Variants in PACS2 observed in about 807,000 individuals in gnomAD.
PACS2 encodes the protein phosphofurin acidic cluster sorting protein 2.
In PACS2, 36 loss-of-function variants were observed where a neutral mutation model predicts 113.0. The ratio of observed to expected loss-of-function variants is 0.32; its 90% CI spans 0.24 to 0.42. PACS2 has a LOEUF of 0.42. PACS2 is among the 10% of genes least tolerant of loss of function. The pLI is 1.00. For missense variants in PACS2, 1,015 were observed against 1,239.5 expected (o/e 0.82, Z 2.72); for synonymous variants, 589 against 536.1 (o/e 1.10, Z -1.36).
chr14:105,326,576 G>C (rs138257099), intron 1 of PACS2, among the ~76,000 whole-genome samples: 24 of 152,218 alleles, frequency 1.6e-4, no homozygotes, highest in African/African-American at 5.3e-4. Flanking sequence ...GGTGGGGCCC[G>C]GGAGGGTGGC....
chr14:105,304,380 C>G (rs183197339), intron 1 of PACS2, among the ~76,000 whole-genome samples: 1 of 151,792 alleles, frequency 6.6e-6, no homozygotes, highest in Non-Finnish European at 1.5e-5. Context: ...TCCAGCTACT[C>G]GGGAGGCTGA....
chr14:105,344,705 C>G (rs1194745372), intron 1 of PACS2, among the ~76,000 whole-genome samples: 4 of 152,160 alleles, frequency 2.6e-5, no homozygotes, highest in African/African-American at 9.7e-5. Context: ...AAAGAACTAG[C>G]ATTTGGTTTT....
Position 105,358,519 on chromosome 14 carries a change from A to C in PACS2, c.423+3342A>C, listed in dbSNP as rs1385290315. Among the ~76,000 whole-genome samples the C allele has an allele frequency of 6.6e-6, 1 of 152,088 alleles. No individual in the cohort carries two copies. The highest frequency in any genetic ancestry group is 1.5e-5 in the Non-Finnish European group (1 of 67,978). On this transcript the variant is annotated intron_variant, in intron 4 of 24. Coordinates refer to ENST00000447393, the MANE Select transcript of PACS2 (RefSeq NM_001100913.3). This position sits in a 1 kb window ranked among gnomAD's most constrained non-coding sequence, Gnocchi z 4.9. ...TGTAGGGGTGGGCGTTCGTGTGGCC[A>C]GACCACCCTGGGGCTGCAGCCTGGG...
rs1404087638 is a variant in PACS2, at chr14:105,346,496, C to T, written c.120-1997C>T. On this transcript the variant is annotated intron_variant, in intron 1 of 24. Transcript: ENST00000447393. ...CCCGCCCACACAACATCCCCCCCACCGCCTGCACGGCTCCCCCACCCACAC... is the reference window on the plus strand; with the variant it reads ...CCCGCCCACACAACATCCCCCCCACTGCCTGCACGGCTCCCCCACCCACAC... 1.2e-4 allele frequency among the ~76,000 whole-genome samples: 17 copies of T among 136,812 alleles called. No homozygotes were observed. In the South Asian group the frequency reaches 1.3e-3, roughly 10 times the overall value. 89.8% of individuals were successfully genotyped at this position (136,812 alleles called of 152,430 possible). A position where few individuals can be genotyped will look rare whatever the true frequency, so the allele number is the denominator to read the frequency against.
chr14:105,300,980 G>A lies in PACS2; in HGVS notation c.-83+1G>A, dbSNP rs2140599308. The A allele has an allele frequency of 6.5e-6, 1 of 153,684 alleles. No homozygotes were observed. Among genetic ancestry groups the A allele is most frequent in the Admixed American group, 6.5e-5 (1 of 15,334 alleles). 9.5% of individuals were successfully genotyped at this position (153,684 alleles called of 1,614,324 possible). ...GGCGGAACCCGAGCGGGGCCTACCG[G>A]TGAGCGCAGCCGAGGACTGGCGCTT... On this transcript the variant is annotated splice_donor_variant, in intron 1 of 23. Coordinates refer to the PACS2 transcript ENST00000430725. LOFTEE classifies it low-confidence loss of function (5UTR_SPLICE).
At chr14:105,390,940 T>C in intron 20 of PACS2, 1 of 539,676 alleles carries the variant, frequency 1.9e-6, no homozygotes, top group Non-Finnish European at 3.3e-6. Flanking sequence ...ACACATAGTT[T>C]GCAGCTGCCC....
intron 1 of PACS2, among the ~76,000 whole-genome samples, chr14:105,318,575 A>G (rs2058756398): frequency 1.3e-5 from 2 of 150,934 alleles, no homozygotes; most frequent in Non-Finnish European, 1.5e-5. Context: ...TCAGCCTCCC[A>G]AGTAGCTAGG....
At chr14:105,337,418 A>G (rs1355803027) in intron 1 of PACS2, among the ~76,000 whole-genome samples, 1 of 152,262 alleles carries the variant, frequency 6.6e-6, no homozygotes, top group African/African-American at 2.4e-5. Context: ...ACACTGAAAA[A>G]TGGTTCAAAC....
upstream of PACS2, among the ~76,000 whole-genome samples, chr14:105,313,253 G>A (rs2140720697): frequency 6.6e-6 from 1 of 152,338 alleles, no homozygotes; most frequent in South Asian, 2.1e-4. Flanking sequence ...CAGTTCTGGG[G>A]TCAATGGGTG....
rs1480164628 is a variant in PACS2, at chr14:105,379,725, G to C, written c.960-14G>C. On this transcript the variant is annotated splice_polypyrimidine_tract_variant and intron_variant, in intron 9 of 24. Coordinates refer to ENST00000447393, the MANE Select transcript of PACS2 (RefSeq NM_001100913.3). ...GGAAATTAACGTGTCCCCCACCCCT[G>C]TTCCCTGAGCCAGGCCATACTTTGA... 4 of 1,610,846 alleles carry C rather than the reference G, an allele frequency of 2.5e-6. No individual in the cohort carries two copies. Among genetic ancestry groups the C allele is most frequent in the African/African-American group, 1.3e-5 (1 of 75,010 alleles).
Position 105,354,059 on chromosome 14 carries a change from G to A in PACS2, c.298-993G>A, listed in dbSNP as rs1781818866. Among the ~76,000 whole-genome samples the A allele has an allele frequency of 2.0e-5, 3 of 152,026 alleles. No homozygotes were observed. Among genetic ancestry groups the A allele is most frequent in the Admixed American group, 2.0e-4 (3 of 15,262 alleles). ...GCTGAGATCATGCCATAGCACTCCA[G>A]CCTGGGGGACAGAGTGAGACTCCAT... On this transcript the variant is annotated intron_variant, in intron 3 of 24. Coordinates refer to ENST00000447393, the MANE Select transcript of PACS2 (RefSeq NM_001100913.3). This position sits in a 1 kb window ranked among gnomAD's most constrained non-coding sequence, Gnocchi z 4.2.
chr14:105,394,133 G>A (rs894140964), intron 24 of PACS2: 10 of 909,420 alleles, frequency 1.1e-5, no homozygotes, highest in Middle Eastern at 5.6e-4. Context: ...TTTTGAGCAC[G>A]GGTCAGATGA....
chr14:105,374,210 T>C (rs1347209849), intron 8 of PACS2, among the ~76,000 whole-genome samples: 1 of 150,228 alleles, frequency 6.7e-6, no homozygotes. Flanking sequence ...TGAGCTAAGA[T>C]TATAAAGCTC....
At position 105,389,967 on chromosome 14, in the gene PACS2, C is replaced by A; in HGVS notation, c.2040C>A (p.Asp680Glu). ...TCTGTTTCCTTGCTCTTAGCCCTGA[C>A]GAAGAGTCCTCCCAAAAGTTCATTC... ...HFHFDFTLSP[D>E]EESSQKFIPF... The change falls in exon 20 of 25, where the codon GAC becomes GAA. Residue 680 changes from aspartate (D) to glutamate (E), a missense_variant. Transcript: ENST00000447393. 1 of 1,613,820 alleles carries A rather than the reference C, an allele frequency of 6.2e-7. No homozygotes were observed. Among genetic ancestry groups the A allele is most frequent in the Non-Finnish European group, 8.5e-7 (1 of 1,179,766 alleles).
At position 105,323,523 on chromosome 14, in the gene PACS2, C is replaced by A. The variant is rs748865866; in HGVS notation, c.119+8486C>A. Among the ~76,000 whole-genome samples the A allele has an allele frequency of 6.6e-6, 1 of 152,210 alleles. No individual in the cohort carries two copies. Among genetic ancestry groups the A allele is most frequent in the African/African-American group, 2.4e-5 (1 of 41,462 alleles). ...CTGCACAGTGTAGCTCCTTGGCGGA[C>A]GTTCCTGTAATGGAACCAGGATGTC... On this transcript the variant is annotated intron_variant, in intron 1 of 24. Transcript: ENST00000447393. The surrounding 1 kb of genome is among the most constrained non-coding windows in gnomAD (Gnocchi z 4.1).
intron 7 of PACS2, among the ~76,000 whole-genome samples, chr14:105,369,460 G>A (rs980003674): frequency 8.5e-5 from 13 of 152,188 alleles, no homozygotes; most frequent in Non-Finnish European, 1.5e-4. Flanking sequence ...CTTGGAGCAC[G>A]CCCCACCCCA....
chr14:105,392,463 C>T, intron 22 of PACS2, 156 bp from the exon 23 acceptor site: 1 of 636,696 alleles, frequency 1.6e-6, no homozygotes, highest in Non-Finnish European at 2.8e-6. Context: ...GGCATGTGAA[C>T]AGCTCCACAG....
intron 7 of PACS2, 46 bp from the exon 8 acceptor site, chr14:105,369,795 C>G (rs781999079): frequency 6.7e-7 from 1 of 1,496,160 alleles, no homozygotes; most frequent in Non-Finnish European, 9.0e-7. Context: ...AGCGGCGGGT[C>G]TGCAGCTCTG....
chr14:105,393,880 C>T (rs768109083), intron 24 of PACS2, among the ~76,000 whole-genome samples: 23 of 151,968 alleles, frequency 1.5e-4, no homozygotes, highest in Non-Finnish European at 2.5e-4. Flanking sequence ...CGCGAGCCAC[C>T]GCACCTGGCC....
Sources: gnomAD v4.1 joint callset for allele counts (sites outside exome capture counted in the v4.1 genomes callset) on GRCh38, gnomAD v4.1.1 for gene constraint, Gnocchi (gnomAD v3.1) non-coding constraint, MANE v1.5 for transcripts, NCBI Gene and HGNC (gene_info 2026-07-23, HGNC 2026-07-21) for gene names.